The following CD109 variants were observed in gnomAD, a reference collection of about 807,000 sequenced individuals.
The protein encoded by CD109 is CD109 antigen.
In CD109, 149 loss-of-function variants were observed where a neutral mutation model predicts 165.8. That is an observed-to-expected ratio of 0.90 (90% CI 0.79 to 1.03). The LOEUF (loss-of-function observed/expected upper bound fraction) is 1.03, where lower values mean the gene tolerates loss of function less well. CD109 is among the 50% of genes least tolerant of loss of function. The probability of loss-of-function intolerance (pLI) is 0.00; values close to 1 mark genes in which losing one functional copy is unlikely to be tolerated. For synonymous variants in CD109, 585 were observed against 592.1 expected, an observed-to-expected ratio of 0.99 and a Z score of 0.18; for missense variants, 1,712 against 1,677.8, an observed-to-expected ratio of 1.02 and a Z score of -0.36.
At chr6:73,764,748 G>A (rs1479411514) in intron 10 of CD109, among the ~76,000 whole-genome samples, 3 of 151,724 alleles carry the variant, frequency 2.0e-5, no homozygotes, top group South Asian at 2.1e-4. Context: ...CCCGGGAGGC[G>A]GAGGTTGTGG....
chr6:73,752,099 T>A (rs1773212740), intron 5 of CD109, among the ~76,000 whole-genome samples: 5 of 152,180 alleles, frequency 3.3e-5, no homozygotes, highest in Non-Finnish European at 7.4e-5. Flanking sequence ...AAACAAACTA[T>A]TAGGGAATTG....
chr6:73,794,445 A>C (rs1488545608), intron 23 of CD109, among the ~76,000 whole-genome samples: 1 of 152,204 alleles, frequency 6.6e-6, no homozygotes, highest in African/African-American at 2.4e-5. Flanking sequence ...AGGGAGGAAC[A>C]TGGGGTCCTG....
intron 9 of CD109, 107 bp downstream of exon 9, chr6:73,762,989 G>A: frequency 1.0e-6 from 1 of 1,003,256 alleles, no homozygotes. Context: ...ACTTTCTAAA[G>A]ATGCTATTTA....
intron 29 of CD109, among the ~76,000 whole-genome samples, chr6:73,813,908 A>G (rs1775838516): frequency 6.6e-6 from 1 of 152,110 alleles, no homozygotes. Context: ...AATAGAAAGC[A>G]TTTCTCCAAT....
rs1582213401 is a variant in CD109 at position 73,820,401 on chromosome 6, T to C, written c.4060-60T>C. 1.5e-5 allele frequency: 13 copies of C among 882,304 alleles called. No homozygotes were observed. The East Asian group carries it at 3.1e-4, about 21-fold the overall frequency. 54.7% of individuals were successfully genotyped at this position (882,304 alleles called of 1,614,324 possible). A position where few individuals can be genotyped will look rare whatever the true frequency, so the allele number is the denominator to read the frequency against. ...AAAATGATGAGAAAAAAGAAATGTC[T>C]TTACTTAATCATGAACACACAGTGT... On this transcript the variant is annotated intron_variant, in intron 31 of 32. Coordinates refer to ENST00000287097, the MANE Select transcript of CD109 (RefSeq NM_133493.5).
intron 27 of CD109, among the ~76,000 whole-genome samples, chr6:73,810,637 G>A (rs995095694): frequency 2.1e-4 from 32 of 151,436 alleles, no homozygotes; most frequent in African/African-American, 7.8e-4. Flanking sequence ...AATGCTACTA[G>A]GATTAACAAG....
At chr6:73,722,972 AACG>A (rs1261823103) in intron 2 of CD109, among the ~76,000 whole-genome samples, 1 of 152,254 alleles carries the variant, frequency 6.6e-6, no homozygotes, top group Non-Finnish European at 1.5e-5. Context: ...CAGCAGCAAC[AACG>A]ACAACAAAAA....
the CD109 span, among the ~76,000 whole-genome samples, chr6:73,681,497 G>A: frequency 1.0e-3 from 154 of 152,096 alleles, 1 homozygote; most frequent in South Asian, 2.9e-3. Flanking sequence ...AAAGTGTTCC[G>A]TGTGACTGGG....
intron 4 of CD109, among the ~76,000 whole-genome samples, chr6:73,733,580 G>C (rs190613885): frequency 6.6e-6 from 1 of 152,220 alleles, no homozygotes; most frequent in Admixed American, 6.5e-5. Context: ...CTGACACTGC[G>C]ATGGCAGCTG....
rs76423876 is a variant in CD109 at position 73,780,654 on chromosome 6, T to C, written c.1902+156T>C. 6.5e-4 allele frequency among the ~76,000 whole-genome samples: 99 copies of C among 151,678 alleles called. No individual in the cohort carries two copies. The East Asian group carries it at 0.018, about 28-fold the overall frequency. On this transcript the variant is annotated intron_variant, in intron 16 of 32. Coordinates refer to ENST00000287097, the MANE Select transcript of CD109 (RefSeq NM_133493.5). ...ATAATTTGAAATGAAAAGATAATCA[T>C]CTTTCCAGTTTTAAAAGCAAATGGA...
At chr6:73,809,762 G>T (rs1775687463) in intron 26 of CD109, among the ~76,000 whole-genome samples, 1 of 152,000 alleles carries the variant, frequency 6.6e-6, no homozygotes, top group Non-Finnish European at 1.5e-5. Flanking sequence ...TACTTAACTT[G>T]TAATAGTTTA....
At chr6:73,697,244 A>G (rs1258822753) in intron 1 of CD109, among the ~76,000 whole-genome samples, 156 bp from the exon 2 acceptor site, 2 of 152,252 alleles carry the variant, frequency 1.3e-5, no homozygotes, top group Non-Finnish European at 2.9e-5. Flanking sequence ...TAGCATTTCA[A>G]TTCAGTTGCC....
Position 73,792,775 on chromosome 6 carries a change from G to C in CD109, c.2851G>C (p.Glu951Gln). ...KKKQLTDNLK[E>Q]KALSFMRQGY... is the part of the protein sequence containing the mutation. ...GAAACAACTGACAGATAATTTGAAA[G>C]AAAAAGCTCTTTCATTTATGAGGCA... Residue 951 changes from glutamate to glutamine, a missense_variant, in exon 23 of 33, where the codon GAA becomes CAA. By Grantham distance (29) the Glu-to-Gln change is conservative (BLOSUM62 2). Transcript: ENST00000287097. The C allele has an allele frequency of 6.2e-7, 1 of 1,608,978 alleles. No homozygotes were observed. The highest frequency in any genetic ancestry group is 1.1e-5 in the South Asian group (1 of 90,436).
At chr6:73,807,216 C>A (rs1775599399) in intron 25 of CD109, 144 bp downstream of exon 25, 2 of 634,754 alleles carry the variant, frequency 3.2e-6, no homozygotes, top group Non-Finnish European at 5.4e-6. Flanking sequence ...TTTTGCTTTG[C>A]ATTTGTGGCC....
At chr6:73,731,113 C>T (rs1281802977) in intron 4 of CD109, among the ~76,000 whole-genome samples, 2 of 151,826 alleles carry the variant, frequency 1.3e-5, no homozygotes, top group African/African-American at 4.8e-5. Flanking sequence ...ATGGCACGAT[C>T]TTGGCTCACT....
At chr6:73,679,728 T>G in the CD109 span, among the ~76,000 whole-genome samples, 1 of 151,996 alleles carries the variant, frequency 6.6e-6, no homozygotes. Flanking sequence ...CTCCGCCTCC[T>G]GGGTTCAAGT....
At chr6:73,779,339 C>T (rs2150246920) in intron 15 of CD109, among the ~76,000 whole-genome samples, 1 of 151,398 alleles carries the variant, frequency 6.6e-6, no homozygotes, top group East Asian at 1.9e-4. Context: ...ACCTCCGCCT[C>T]CCGGGTTCAA....
intron 4 of CD109, among the ~76,000 whole-genome samples, chr6:73,732,195 G>C (rs1772389215): frequency 6.6e-6 from 1 of 152,176 alleles, no homozygotes; most frequent in Admixed American, 6.5e-5. Flanking sequence ...GGTTACTCCA[G>C]ATATTCTAAT....
intron 5 of CD109, among the ~76,000 whole-genome samples, chr6:73,741,493 T>C (rs1772783844): frequency 6.6e-6 from 1 of 152,202 alleles, no homozygotes; most frequent in Non-Finnish European, 1.5e-5. Flanking sequence ...GGGAATATGT[T>C]CTGATTTAAT....
Sources: gnomAD v4.1 joint callset for allele counts (sites outside exome capture counted in the v4.1 genomes callset) on GRCh38, gnomAD v4.1.1 for gene constraint, MANE v1.5 for transcripts, NCBI Gene and HGNC (gene_info 2026-07-23, HGNC 2026-07-21) for gene names.